DSCAM: variants seen among roughly 807,000 people sequenced by gnomAD.
DSCAM encodes DS cell adhesion molecule, also known as cell adhesion molecule DSCAM.
A neutral mutation model predicts 217.7 loss-of-function variants in DSCAM; 47 were observed. The ratio of observed to expected loss-of-function variants is 0.22; its 90% confidence interval spans 0.17 to 0.28. The LOEUF is 0.28. Ranked by LOEUF, DSCAM falls within the 10% of genes least tolerant of loss-of-function variation. The pLI is 1.00. For missense variants in DSCAM, 2,080 were observed against 2,618.3 expected, an observed-to-expected ratio of 0.79 and a Z score of 4.49; for synonymous variants, 1,056 against 1,015.3, an observed-to-expected ratio of 1.04 and a Z score of -0.76.
chr21:40,216,221 G>T (rs140877098), intron 11 of DSCAM, among the ~76,000 whole-genome samples: 1 of 151,694 alleles, frequency 6.6e-6, no homozygotes, highest in Non-Finnish European at 1.5e-5. Flanking sequence ...CACCTCAGCC[G>T]TCTGCCCAAG....
Position 40,752,930 on chromosome 21 carries a change from G to T in DSCAM, c.44-44159C>A, listed in dbSNP as rs1250056844. ...CATTTGTTGAATGAATGAAGTAATA[G>T]ATGAAATAGATGTGAAGCAATGGGA... On this transcript the variant is annotated intron_variant, in intron 1 of 32. Transcript: ENST00000400454. Among the ~76,000 whole-genome samples, 3 of 152,188 alleles carry T rather than the reference G, an allele frequency of 2.0e-5. No homozygotes were observed. The East Asian group carries it at 5.8e-4, about 29-fold the overall frequency.
At chr21:40,527,188 C>T (rs1007873496) in intron 3 of DSCAM, among the ~76,000 whole-genome samples, 5 of 152,120 alleles carry the variant, frequency 3.3e-5, no homozygotes, top group Non-Finnish European at 7.4e-5. Context: ...AGCCACACTG[C>T]CTTCAGACAA....
chr21:40,051,611 G>A (rs1024543077), intron 30 of DSCAM, among the ~76,000 whole-genome samples: 3 of 152,184 alleles, frequency 2.0e-5, no homozygotes, highest in Admixed American at 6.5e-5. Flanking sequence ...CAAAGATAAC[G>A]TGCATGACAT....
chr21:40,686,003 C>G (rs1214748941), intron 3 of DSCAM, among the ~76,000 whole-genome samples: 1 of 152,098 alleles, frequency 6.6e-6, no homozygotes, highest in Non-Finnish European at 1.5e-5. Flanking sequence ...CCCAGCTAAC[C>G]TGAGTCAGCG....
At position 40,651,957 on chromosome 21, in the gene DSCAM, C is replaced by A. The variant is rs571476188; in HGVS notation, c.508+40853G>T. Among the ~76,000 whole-genome samples, 125 of 152,300 alleles carry A rather than the reference C, an allele frequency of 8.2e-4. 2 individuals are homozygous for A. The South Asian group carries it at 0.021, about 26-fold the overall frequency. ...ACAGGCACAAAAGAGGTCAGCCCCC[C>A]CACCTTTTTCTCTGCTGGCCCCACC... On this transcript the variant is annotated intron_variant, in intron 3 of 32. Coordinates refer to ENST00000400454, the MANE Select transcript of DSCAM (RefSeq NM_001389.5).
At chr21:40,189,298 C>A (rs942432853) in intron 11 of DSCAM, 60 bp from the exon 12 acceptor site, 1 of 1,326,404 alleles carries the variant, frequency 7.5e-7, no homozygotes, top group Non-Finnish European at 1.0e-6. Context: ...TTTTCCCTGG[C>A]AAAACACTCA....
chr21:40,129,082 C>T (rs2090128197), intron 19 of DSCAM, among the ~76,000 whole-genome samples: 1 of 152,064 alleles, frequency 6.6e-6, no homozygotes, highest in Non-Finnish European at 1.5e-5. Flanking sequence ...TTTTTTTCAC[C>T]ATCATTTTTC....
intron 1 of DSCAM, among the ~76,000 whole-genome samples, chr21:40,841,893 T>C (rs1345620576): frequency 6.6e-6 from 1 of 152,248 alleles, no homozygotes; most frequent in East Asian, 1.9e-4. Context: ...GGTCCTCCGC[T>C]GTACAGTTGA....
chr21:40,429,540 T>C (rs1236035221), intron 3 of DSCAM, among the ~76,000 whole-genome samples: 1 of 152,208 alleles, frequency 6.6e-6, no homozygotes, highest in Non-Finnish European at 1.5e-5. Context: ...CGTGCTGGGA[T>C]TACAGGCATG....
intron 3 of DSCAM, among the ~76,000 whole-genome samples, chr21:40,377,335 C>T (rs2074973533): frequency 6.6e-6 from 1 of 152,084 alleles, no homozygotes; most frequent in Non-Finnish European, 1.5e-5. Flanking sequence ...AATCGCTCCC[C>T]TGGGTTTGGG....
intron 3 of DSCAM, among the ~76,000 whole-genome samples, chr21:40,637,172 TATATAAATATATATAA>T (rs2089777310): frequency 7.2e-5 from 2 of 27,952 alleles, no homozygotes; most frequent in Non-Finnish European, 1.2e-4. Flanking sequence ...TATAAATATA[TATATAAATATATATAA>T]ATATAAATAT....
chr21:40,221,016 CTG>C (rs2091284925), intron 11 of DSCAM, among the ~76,000 whole-genome samples: 1 of 152,178 alleles, frequency 6.6e-6, no homozygotes, highest in Non-Finnish European at 1.5e-5. Context: ...GATGCAGAAA[CTG>C]AGGCTCAGAG....
chr21:40,663,426 C>T (rs974111958), intron 3 of DSCAM, among the ~76,000 whole-genome samples: 3 of 151,842 alleles, frequency 2.0e-5, no homozygotes, highest in African/African-American at 4.8e-5. Flanking sequence ...CCTGTGTTGC[C>T]GGCACTCTCC....
chr21:40,076,836 G>A (rs895104355), intron 26 of DSCAM, among the ~76,000 whole-genome samples: 3 of 152,244 alleles, frequency 2.0e-5, no homozygotes, highest in African/African-American at 7.2e-5. Flanking sequence ...AATATTGCAA[G>A]ATAATGATCT....
chr21:40,026,863 T>G (rs1221980755), intron 32 of DSCAM, among the ~76,000 whole-genome samples: 1 of 151,978 alleles, frequency 6.6e-6, no homozygotes, highest in Non-Finnish European at 1.5e-5. Flanking sequence ...ATTGGAGCAT[T>G]TAGTCCATTT....
chr21:40,626,422 T>C (rs533616768), intron 3 of DSCAM, among the ~76,000 whole-genome samples: 11 of 152,202 alleles, frequency 7.2e-5, no homozygotes, highest in Non-Finnish European at 1.3e-4. Context: ...TCCCCATCTC[T>C]AGTAGCAAGT....
intron 3 of DSCAM, among the ~76,000 whole-genome samples, chr21:40,548,854 T>C (rs751729147): frequency 3.3e-5 from 5 of 152,182 alleles, no homozygotes; most frequent in Non-Finnish European, 5.9e-5. Context: ...TATCTGAGAG[T>C]GGCCCAAAGA....
chr21:40,155,854 G>C (rs775439658), intron 16 of DSCAM, among the ~76,000 whole-genome samples: 5 of 151,948 alleles, frequency 3.3e-5, no homozygotes, highest in Non-Finnish European at 1.5e-5. Flanking sequence ...AGAAAAGGCA[G>C]GAAAGGAGGG....
At chr21:40,776,651 A>AGATGGAGCAT (rs1437679110) in intron 1 of DSCAM, among the ~76,000 whole-genome samples, 1 of 152,164 alleles carries the variant, frequency 6.6e-6, no homozygotes, top group Non-Finnish European at 1.5e-5. Context: ...ACAGAAAGCC[A>AGATGGAGCAT]GATGGAGCAT....
Sources: gnomAD v4.1 joint callset for allele counts (sites outside exome capture counted in the v4.1 genomes callset) on GRCh38, gnomAD v4.1.1 for gene constraint, MANE v1.5 for transcripts, NCBI Gene and HGNC (gene_info 2026-07-23, HGNC 2026-07-21) for gene names.